The following SLCO6A1 variants were observed in gnomAD, a reference collection of about 807,000 sequenced individuals.
SLCO6A1 encodes cancer/testis antigen 48.
In SLCO6A1, 65 loss-of-function variants were observed where a neutral mutation model predicts 72.7. The ratio of observed to expected loss-of-function variants is 0.89; its 90% CI spans 0.73 to 1.10. SLCO6A1 has a LOEUF of 1.10. SLCO6A1 is among the 50% of genes least tolerant of loss of function. SLCO6A1 has a pLI of 0.00. For missense variants in SLCO6A1, 874 were observed against 872.6 expected (o/e 1.00, Z -0.02); for synonymous variants, 314 against 298.2 (o/e 1.05, Z -0.55).
At chr5:102,466,315 T>C (rs375827418) in intron 4 of SLCO6A1, among the ~76,000 whole-genome samples, 3 of 152,160 alleles carry the variant, frequency 2.0e-5, no homozygotes, top group African/African-American at 7.2e-5. Context: ...CTAAGGATAA[T>C]GGCCTCCGGC....
At chr5:102,486,818 A>T (rs1752463637) in intron 1 of SLCO6A1, among the ~76,000 whole-genome samples, 1 of 152,208 alleles carries the variant, frequency 6.6e-6, no homozygotes, top group African/African-American at 2.4e-5. Flanking sequence ...TTACAGAAAT[A>T]AATAATTGTA....
At chr5:102,382,424 A>T (rs1746159847) in intron 12 of SLCO6A1, among the ~76,000 whole-genome samples, 1 of 151,516 alleles carries the variant, frequency 6.6e-6, no homozygotes. Context: ...TTACGCTTTC[A>T]GCTTTGTTCA....
chr5:102,388,638 C>G (rs1490858407), intron 12 of SLCO6A1, 50 bp downstream of exon 12: 2 of 1,307,482 alleles, frequency 1.5e-6, no homozygotes, highest in Non-Finnish European at 2.1e-6. Context: ...ACAACCATAA[C>G]TTTTAGAAAT....
chr5:102,467,666 G>T (rs1751380298), intron 4 of SLCO6A1, among the ~76,000 whole-genome samples: 1 of 152,000 alleles, frequency 6.6e-6, no homozygotes, highest in Admixed American at 6.6e-5. Context: ...CATTTGTGTG[G>T]TATCAGTTGT....
At position 102,388,757 on chromosome 5, in the gene SLCO6A1, T is replaced by C. The variant is rs189059706; in HGVS notation, c.1948A>G (p.Lys650Glu). The C allele has an allele frequency of 1.0e-4, 166 of 1,608,886 alleles. 1 individual carries two copies. In the East Asian group the frequency reaches 2.9e-3, roughly 28 times the overall value. Residue 650 changes from lysine to glutamate, a missense_variant, in exon 12 of 14, where the codon AAA becomes GAA. Transcript: ENST00000506729. ...ETSCILRDVN[K>E]CGHTGRCWIY... ...CAACAACGTCCTGTGTGTCCACATT[T>C]ATTAACATCCCGTAAAATACAAGAA... is the stretch of plus-strand genomic sequence containing the variant.
At chr5:102,416,006 G>A (rs1174769617) in intron 8 of SLCO6A1, among the ~76,000 whole-genome samples, 1 of 151,974 alleles carries the variant, frequency 6.6e-6, no homozygotes, top group Admixed American at 6.6e-5. Flanking sequence ...CCATAACGAA[G>A]TATGATGTTA....
chr5:102,495,527 G>A (rs138342080), intron 1 of SLCO6A1, among the ~76,000 whole-genome samples: 137 of 152,152 alleles, frequency 9.0e-4, no homozygotes, highest in African/African-American at 2.7e-3. Flanking sequence ...CCAAGGAGGC[G>A]GAGGTTGCAG....
At chr5:102,471,819 T>C (rs183280463) in intron 4 of SLCO6A1, among the ~76,000 whole-genome samples, 1 of 151,938 alleles carries the variant, frequency 6.6e-6, no homozygotes. Flanking sequence ...TTTTTAGTAA[T>C]GTGGGCAGAC....
At chr5:102,401,253 A>G (rs1175382147) in intron 9 of SLCO6A1, among the ~76,000 whole-genome samples, 1 of 152,144 alleles carries the variant, frequency 6.6e-6, no homozygotes, top group Non-Finnish European at 1.5e-5. Context: ...AAGAAAAACA[A>G]GAACAGAATA....
At chr5:102,486,847 T>G (rs1337448185) in intron 1 of SLCO6A1, among the ~76,000 whole-genome samples, 1 of 152,132 alleles carries the variant, frequency 6.6e-6, no homozygotes, top group Non-Finnish European at 1.5e-5. Context: ...AATGAAAGTT[T>G]AAACATATAG....
rs143064096 is a variant in SLCO6A1, at chr5:102,480,340, G to A, written c.453C>T (p.Tyr151=). The part of the protein sequence containing the change: ...TIEKLALEKS[Y]DISSGLVAIF... ...TTGCTACCAGGCCAGATGAAATATC[G>A]TAACTCTTTTCCAATGCCAACTTCT... The change falls in exon 2 of 14, where the codon TAC becomes TAT. Residue 151 remains tyrosine (Y), a synonymous_variant. Coordinates refer to ENST00000506729, the MANE Select transcript of SLCO6A1 (RefSeq NM_173488.5). 335 of 1,613,430 alleles carry A rather than the reference G, an allele frequency of 2.1e-4. No homozygotes were observed. The African/African-American group carries it at 3.8e-3, about 18-fold the overall frequency.
At chr5:102,496,302 CTTCT>C (rs1283592087) in intron 1 of SLCO6A1, among the ~76,000 whole-genome samples, 2 of 151,974 alleles carry the variant, frequency 1.3e-5, no homozygotes, top group Non-Finnish European at 2.9e-5. Flanking sequence ...CTTTGTATCC[CTTCT>C]TTATGTTTGA....
intron 1 of SLCO6A1, among the ~76,000 whole-genome samples, chr5:102,481,866 G>T (rs1421886310): frequency 6.6e-6 from 1 of 151,914 alleles, no homozygotes; most frequent in Admixed American, 6.6e-5. Context: ...AAACCAAATT[G>T]CAAAGGTAAC....
intron 7 of SLCO6A1, among the ~76,000 whole-genome samples, chr5:102,437,833 C>T (rs1749627174): frequency 6.6e-6 from 1 of 151,996 alleles, no homozygotes; most frequent in Non-Finnish European, 1.5e-5. Context: ...TATTGGTTAT[C>T]CTCAAAGTTA....
Position 102,471,266 on chromosome 5 carries a change from A to G in SLCO6A1, c.899+4431T>C, listed in dbSNP as rs115586957. 4.4e-3 allele frequency among the ~76,000 whole-genome samples: 669 copies of G among 152,086 alleles called. 5 individuals carry two copies. Among genetic ancestry groups the G allele is most frequent in the African/African-American group, 0.015 (609 of 41,510 alleles). On this transcript the variant is annotated intron_variant, in intron 4 of 13. Transcript: ENST00000506729. ...CAATCACATGTTCTCCTTACCACCT[A>G]TTTTCCAGTCTTGCTCTAAGTCTCT...
intron 9 of SLCO6A1, among the ~76,000 whole-genome samples, chr5:102,402,034 T>C (rs62369341): frequency 0.28 from 43,028 of 151,904 alleles, 6,362 homozygotes; most frequent in South Asian, 0.35. Context: ...CAGAAGACAT[T>C]GGGCTCTAAA....
intron 9 of SLCO6A1, among the ~76,000 whole-genome samples, chr5:102,403,089 T>C (rs761440355): frequency 2.0e-5 from 3 of 152,224 alleles, no homozygotes; most frequent in Non-Finnish European, 4.4e-5. Context: ...AGTGTTGGTA[T>C]AGAAATATTA....
intron 6 of SLCO6A1, among the ~76,000 whole-genome samples, chr5:102,450,440 G>A (rs1317502683): frequency 6.6e-6 from 1 of 152,214 alleles, no homozygotes; most frequent in Non-Finnish European, 1.5e-5. Context: ...TCCAGTAGAT[G>A]GCACTTAAGC....
At chr5:102,477,053 A>C (rs921040653) in intron 3 of SLCO6A1, among the ~76,000 whole-genome samples, 19 of 152,098 alleles carry the variant, frequency 1.2e-4, no homozygotes, top group African/African-American at 4.3e-4. Flanking sequence ...ATATATACAC[A>C]TATATGAATA....
Sources: gnomAD v4.1 joint callset for allele counts (sites outside exome capture counted in the v4.1 genomes callset) on GRCh38, gnomAD v4.1.1 for gene constraint, MANE v1.5 for transcripts, NCBI Gene and HGNC (gene_info 2026-07-23, HGNC 2026-07-21) for gene names.